NSG1: variants seen among roughly 807,000 people sequenced by gnomAD.
NSG1 encodes neuronal vesicle trafficking-associated protein 1.
A neutral mutation model predicts 19.3 loss-of-function variants in NSG1; 9 were observed. The observed-to-expected ratio is 0.47, with a 90% CI of 0.28 to 0.81. NSG1 has a LOEUF of 0.81. NSG1 is among the 40% of genes least tolerant of loss of function. NSG1 has a pLI of 0.11. For missense variants in NSG1, 236 were observed against 242.4 expected, an observed-to-expected ratio of 0.97 and a Z score of 0.18; for synonymous variants, 104 against 107.0, an observed-to-expected ratio of 0.97 and a Z score of 0.17.
rs1215884071 is a variant in NSG1, at chr4:4,409,786, G to A, written c.357+103G>A. 15 of 918,112 alleles carry A rather than the reference G, an allele frequency of 1.6e-5. No homozygotes were observed. In the East Asian group the frequency reaches 1.8e-4, roughly 11 times the overall value. The allele number at this position is 918,112 out of a possible 1,614,324, so 56.9% of individuals were successfully genotyped here. Reference sequence around the variant, plus strand: ...CTGCCGTCTCCCCCAGCTGGCCCACGGACAGGCCTTAGAGCAGCAGGGGGC... The same window carrying A: ...CTGCCGTCTCCCCCAGCTGGCCCACAGACAGGCCTTAGAGCAGCAGGGGGC... On this transcript the variant is annotated intron_variant, in intron 4 of 4. Transcript: ENST00000621129.
At chr4:4,391,720 C>T in intron 3 of NSG1, 129 bp downstream of exon 3, 1 of 504,908 alleles carries the variant, frequency 2.0e-6, no homozygotes, top group African/African-American at 1.9e-5. Context: ...GCTGTGCACA[C>T]CCAGTAGCTT....
intron 3 of NSG1, among the ~76,000 whole-genome samples, chr4:4,404,607 A>G (rs1723753743): frequency 6.6e-6 from 1 of 152,218 alleles, no homozygotes; most frequent in African/African-American, 2.4e-5. Context: ...GCTTCCGATC[A>G]TGGCATGTTG....
intron 3 of NSG1, among the ~76,000 whole-genome samples, chr4:4,392,882 C>T (rs959608497): frequency 1.3e-5 from 2 of 152,036 alleles, no homozygotes; most frequent in African/African-American, 2.4e-5. Context: ...GTAAGGATGT[C>T]GTGTGTGCCG....
intron 3 of NSG1, among the ~76,000 whole-genome samples, chr4:4,393,454 A>G (rs1238752036): frequency 1.3e-5 from 2 of 152,224 alleles, no homozygotes; most frequent in Non-Finnish European, 2.9e-5. Context: ...CCTGTTGCCC[A>G]GAACCTGAAG....
intron 4 of NSG1, among the ~76,000 whole-genome samples, chr4:4,414,474 T>A (rs1724406930): frequency 6.6e-6 from 1 of 152,106 alleles, no homozygotes. Context: ...AGGGAGCTGC[T>A]GGTCTGTATC....
At position 4,387,725 on chromosome 4, in the gene NSG1, T is replaced by G. The variant is rs746321590; in HGVS notation, c.96T>G (p.Asp32Glu). The G allele has an allele frequency of 2.0e-5, 32 of 1,612,540 alleles. No homozygotes were observed. Among genetic ancestry groups the G allele is most frequent in the Non-Finnish European group, 2.5e-5 (30 of 1,178,944 alleles). The part of the protein sequence containing the change: ...FDTIPLMTPL[D>E]VNQLQFPPPD... Reference sequence around the variant, plus strand: ...CCATTCCCCTGATGACGCCCCTCGATGTCAATCAGCTGCAGTTCCCGCCCC... The same window carrying G: ...CCATTCCCCTGATGACGCCCCTCGAGGTCAATCAGCTGCAGTTCCCGCCCC... Residue 32 changes from aspartate to glutamate, a missense_variant, in exon 2 of 5, where the codon GAT becomes GAG. By Grantham distance (45) the Asp-to-Glu change is conservative. Transcript: ENST00000621129.
At chr4:4,392,322 T>TGA (rs751825427) in intron 3 of NSG1, among the ~76,000 whole-genome samples, 13 of 151,438 alleles carry the variant, frequency 8.6e-5, no homozygotes, top group African/African-American at 2.9e-4. Flanking sequence ...TTGGGAAACA[T>TGA]GAGAGAGAGA....
chr4:4,407,953 A>G (rs1212982408), intron 3 of NSG1, among the ~76,000 whole-genome samples: 1 of 152,092 alleles, frequency 6.6e-6, no homozygotes, highest in Admixed American at 6.5e-5. Context: ...TAGCCTCAGC[A>G]TTCACGGCAG....
intron 3 of NSG1, among the ~76,000 whole-genome samples, chr4:4,408,452 T>C (rs1200765225): frequency 6.6e-6 from 1 of 152,162 alleles, no homozygotes; most frequent in Non-Finnish European, 1.5e-5. Flanking sequence ...GCACGCTGTT[T>C]TAGCTTTTTA....
chr4:4,394,362 G>C (rs545367751), intron 3 of NSG1, among the ~76,000 whole-genome samples: 1 of 152,312 alleles, frequency 6.6e-6, no homozygotes, highest in East Asian at 1.9e-4. Context: ...TACCCCGGAA[G>C]CCTCCCCAGT....
At chr4:4,396,689 C>A (rs1422878444) in intron 3 of NSG1, among the ~76,000 whole-genome samples, 1 of 138,304 alleles carries the variant, frequency 7.2e-6, no homozygotes, top group African/African-American at 3.0e-5. Flanking sequence ...GCGTGCCCAT[C>A]TGTTTCCACA....
chr4:4,410,949 C>T (rs113753772), intron 4 of NSG1, among the ~76,000 whole-genome samples: 2 of 152,160 alleles, frequency 1.3e-5, no homozygotes, highest in African/African-American at 2.4e-5. Context: ...CATCTGCCTC[C>T]CGGGTTCAAG....
chr4:4,405,378 C>T (rs1228198593), intron 3 of NSG1, among the ~76,000 whole-genome samples: 2 of 152,156 alleles, frequency 1.3e-5, no homozygotes, highest in Admixed American at 1.3e-4. Context: ...TTCACAGATC[C>T]TGGGGGCTGG....
intron 3 of NSG1, among the ~76,000 whole-genome samples, chr4:4,408,353 C>T (rs1222191884): frequency 2.0e-5 from 3 of 152,160 alleles, no homozygotes; most frequent in Non-Finnish European, 2.9e-5. Context: ...TTACGGAGGC[C>T]CTGCCACGTG....
chr4:4,402,523 G>A (rs1487628821), intron 3 of NSG1, among the ~76,000 whole-genome samples: 1 of 151,548 alleles, frequency 6.6e-6, no homozygotes, highest in Non-Finnish European at 1.5e-5. Context: ...AAGTAGCTGG[G>A]ACTACAGGCG....
intron 3 of NSG1, among the ~76,000 whole-genome samples, chr4:4,397,239 A>G (rs1188807802): frequency 6.6e-6 from 1 of 151,640 alleles, no homozygotes; most frequent in African/African-American, 2.4e-5. Flanking sequence ...GGGGAGAGTA[A>G]CAGCAGCCAC....
intron 2 of NSG1, among the ~76,000 whole-genome samples, chr4:4,388,973 T>G (rs1376950888): frequency 6.6e-6 from 1 of 152,220 alleles, no homozygotes; most frequent in African/African-American, 2.4e-5. Context: ...CAGGGCTGCC[T>G]GAGGCCTCAG....
At chr4:4,405,836 G>A (rs1723823525) in intron 3 of NSG1, among the ~76,000 whole-genome samples, 1 of 152,180 alleles carries the variant, frequency 6.6e-6, no homozygotes, top group Non-Finnish European at 1.5e-5. Flanking sequence ...CAGCCGTTGG[G>A]CCTGGGATCC....
At chr4:4,403,003 C>T (rs186117942) in intron 3 of NSG1, among the ~76,000 whole-genome samples, 4 of 152,216 alleles carry the variant, frequency 2.6e-5, no homozygotes, top group East Asian at 1.9e-4. Context: ...ACGTTCTGTT[C>T]GATGCGTAGA....
Sources: allele counts gnomAD v4.1 joint callset (sites outside exome capture counted in the v4.1 genomes callset), GRCh38; gene constraint gnomAD v4.1.1; transcripts MANE v1.5; gene names NCBI Gene and HGNC (gene_info 2026-07-23, HGNC 2026-07-21).